PEA15: variants seen among roughly 807,000 people sequenced by gnomAD.
PEA15 encodes the protein proliferation and apoptosis adaptor protein 15.
For missense variants in PEA15, 77 were observed against 161.3 expected (o/e 0.48, Z 2.83); for synonymous variants, 60 against 61.8 (o/e 0.97, Z 0.13).
chr1:160,207,001 C>T (rs1654625938), intron 1 of PEA15: 1 of 152,476 alleles, frequency 6.6e-6, no homozygotes, highest in African/African-American at 2.4e-5. Context: ...GTCACAGAAT[C>T]ACAGAGCGCC....
At chr1:160,212,247 G>T (rs2101699866) in intron 2 of PEA15, among the ~76,000 whole-genome samples, 1 of 152,208 alleles carries the variant, frequency 6.6e-6, no homozygotes, top group African/African-American at 2.4e-5. Flanking sequence ...GCCCTGAAAG[G>T]TGAGTGGGAT....
intron 1 of PEA15, among the ~76,000 whole-genome samples, chr1:160,206,821 G>A (rs1654613181): frequency 6.6e-6 from 1 of 152,176 alleles, no homozygotes; most frequent in Admixed American, 6.5e-5. Flanking sequence ...TGGTACGTGT[G>A]TCTGGGCCCC....
Position 160,208,817 on chromosome 1 carries a change from C to T in PEA15, c.-2-2726C>T. 3.1e-6 allele frequency: 2 copies of T among 638,242 alleles called. No individual in the cohort carries two copies. The highest frequency in any genetic ancestry group is 3.7e-5 in the South Asian group (2 of 54,584). The allele number at this position is 638,242 out of a possible 1,614,324, so 39.5% of individuals were successfully genotyped here. On this transcript the variant is annotated intron_variant, in intron 1 of 3. Coordinates refer to ENST00000360472, the MANE Select transcript of PEA15 (RefSeq NM_003768.5). The surrounding 1 kb of genome is among the most constrained non-coding windows in gnomAD (Gnocchi z 4.1). ...CTTGTACCGTCAGGGGGCCTTATTC[C>T]TATCCTTTCTGTCCCTTCTTACTCA...
chr1:160,205,386 C>G lies in PEA15; in HGVS notation c.-139C>G, dbSNP rs1410559030. ...GAGCGGCGCTGGGCTCGGGCTCCGG[C>G]TCCGCGGGCGGAAGAGGCGGCGGCG... On this transcript the variant is annotated 5_prime_UTR_variant, in exon 1 of 4. Transcript: ENST00000360472. This position sits in a 1 kb window ranked among gnomAD's most constrained non-coding sequence, Gnocchi z 5.9. 1 of 186,618 alleles carries G rather than the reference C, an allele frequency of 5.4e-6. No individual in the cohort carries two copies. Among genetic ancestry groups the G allele is most frequent in the Non-Finnish European group, 1.1e-5 (1 of 94,244 alleles). The allele number at this position is 186,618 out of a possible 1,614,324, so 11.6% of individuals were successfully genotyped here.
intron 1 of PEA15, among the ~76,000 whole-genome samples, chr1:160,210,717 C>A (rs1448746480): frequency 1.3e-5 from 2 of 152,234 alleles, no homozygotes; most frequent in African/African-American, 4.8e-5. Context: ...CCCCCCACCA[C>A]CCAGCCAGCC....
intron 1 of PEA15, 194 bp from the exon 2 acceptor site, chr1:160,211,349 C>T (rs747440890): frequency 4.8e-5 from 61 of 1,274,548 alleles, no homozygotes; most frequent in Non-Finnish European, 6.0e-5. Context: ...AGCCTGGCTC[C>T]TAGCTTCCCG....
Position 160,211,692 on chromosome 1 carries a change from G to A in PEA15, c.148G>A (p.Glu50Lys). The change falls in exon 2 of 4, where the codon GAG becomes AAG. Residue 50 changes from glutamate (E) to lysine (K), a missense_variant. By Grantham distance (56) the Glu-to-Lys change is moderately conservative (BLOSUM62 1). Coordinates refer to ENST00000360472, the MANE Select transcript of PEA15 (RefSeq NM_003768.5). ...TGGCAGTGCCTGGTTTAGCTTCCTG[G>A]AGAGCCACAACAAGCTGGACAAAGG... ...TTGSAWFSFLESHNKLDKDNL... is the reference protein window; with the variant it reads ...TTGSAWFSFLKSHNKLDKDNL... The A allele has an allele frequency of 6.2e-7, 1 of 1,613,838 alleles. No homozygotes were observed. The highest frequency in any genetic ancestry group is 8.5e-7 in the Non-Finnish European group (1 of 1,179,838).
At chr1:160,210,690 C>A (rs548682151) in intron 1 of PEA15, among the ~76,000 whole-genome samples, 7 of 152,294 alleles carry the variant, frequency 4.6e-5, no homozygotes, top group Middle Eastern at 3.4e-3. Flanking sequence ...CTCCCAAAGC[C>A]GCATCTAAAG....
rs1654940197 is a variant in PEA15 at position 160,213,028 on chromosome 1, G to T, written c.173-82G>T. ...TAACCAATGTCAGCAACTCAGCTTT[G>T]GTTCCAGGTCACTAGTCTGGTGGAG... On this transcript the variant is annotated intron_variant, in intron 2 of 3. Coordinates refer to ENST00000360472, the MANE Select transcript of PEA15 (RefSeq NM_003768.5). The surrounding 1 kb of genome is among the most constrained non-coding windows in gnomAD (Gnocchi z 5.3). 47 of 1,424,360 alleles carry T rather than the reference G, an allele frequency of 3.3e-5. 1 individual carries two copies. The South Asian group carries it at 5.4e-4, about 16-fold the overall frequency. 88.2% of individuals were successfully genotyped at this position (1,424,360 alleles called of 1,614,324 possible).
chr1:160,213,681 CTTCTT>C lies in PEA15; in HGVS notation c.*196_*200del. 3.3e-6 allele frequency: 1 copy of C among 302,628 alleles called. No individual in the cohort carries two copies. Among genetic ancestry groups the C allele is most frequent in the Non-Finnish European group, 6.6e-6 (1 of 152,094 alleles). The allele number at this position is 302,628 out of a possible 1,614,324, so 18.7% of individuals were successfully genotyped here. A position where few individuals can be genotyped will look rare whatever the true frequency, so the allele number is the denominator to read the frequency against. On this transcript the variant is annotated 3_prime_UTR_variant, in exon 4 of 4. Transcript: ENST00000360472. This position sits in a 1 kb window ranked among gnomAD's most constrained non-coding sequence, Gnocchi z 5.3. ...TATATGTCTAGCTCATCTAGTTCCT[CTTCTT>C]AAGGGGATGGGGGTCAGGGGCTAGG...
intron 1 of PEA15, among the ~76,000 whole-genome samples, chr1:160,209,509 C>T (rs896756933): frequency 3.3e-5 from 5 of 150,718 alleles, no homozygotes; most frequent in African/African-American, 7.4e-5. Flanking sequence ...GAACTCCTCC[C>T]GACACACACA....
rs973985253 is a variant in PEA15, at chr1:160,205,402, GGCGGCGGCGGCGGCAGAA to G, written c.-108_-91del. On this transcript the variant is annotated 5_prime_UTR_variant, in exon 1 of 4. Transcript: ENST00000360472. This position sits in a 1 kb window ranked among gnomAD's most constrained non-coding sequence, Gnocchi z 5.9. ...GGGCTCCGGCTCCGCGGGCGGAAGA[GGCGGCGGCGGCGGCAGAA>G]GCGGCGGCGGCGGCGGCGGGAGCCG... 9.1e-5 allele frequency: 16 copies of G among 176,332 alleles called. No individual in the cohort carries two copies. The highest frequency in any genetic ancestry group is 2.2e-4 in the African/African-American group (9 of 40,708). 10.9% of individuals were successfully genotyped at this position (176,332 alleles called of 1,614,324 possible). A position where few individuals can be genotyped will look rare whatever the true frequency, so the allele number is the denominator to read the frequency against.
At chr1:160,207,553 A>C (rs532517245) in intron 1 of PEA15, among the ~76,000 whole-genome samples, 2 of 152,228 alleles carry the variant, frequency 1.3e-5, no homozygotes, top group South Asian at 4.1e-4. Flanking sequence ...CCCCATGCCC[A>C]AAGGTAATCC....
Position 160,213,709 on chromosome 1 carries a change from A to AGGGGGTTG in PEA15, c.*227_*228insGTTGGGGG. On this transcript the variant is annotated 3_prime_UTR_variant, in exon 4 of 4. Transcript: ENST00000360472. This position sits in a 1 kb window ranked among gnomAD's most constrained non-coding sequence, Gnocchi z 5.3. ...CTTAAGGGGATGGGGGTCAGGGGCT[A>AGGGGGTTG]GGGGAGGGGGCTGAGTTTCCCCACT... 4.5e-6 allele frequency: 1 copy of AGGGGGTTG among 222,764 alleles called. No individual in the cohort carries two copies. Among genetic ancestry groups the AGGGGGTTG allele is most frequent in the Non-Finnish European group, 8.8e-6 (1 of 114,136 alleles). The allele number at this position is 222,764 out of a possible 1,614,324, so 13.8% of individuals were successfully genotyped here.
At chr1:160,209,705 G>A (rs1654785716) in intron 1 of PEA15, among the ~76,000 whole-genome samples, 2 of 152,090 alleles carry the variant, frequency 1.3e-5, no homozygotes, top group Non-Finnish European at 2.9e-5. Context: ...CTCCTGCTGC[G>A]CTTTCCCTTC....
intron 2 of PEA15, among the ~76,000 whole-genome samples, chr1:160,212,398 A>AGAC (rs1654912124): frequency 6.6e-6 from 1 of 152,206 alleles, no homozygotes; most frequent in African/African-American, 2.4e-5. Context: ...AGGTAAGGTA[A>AGAC]GACTGTGTTG....
chr1:160,207,916 T>C (rs1421079351), intron 1 of PEA15, among the ~76,000 whole-genome samples: 2 of 152,074 alleles, frequency 1.3e-5, no homozygotes, highest in Non-Finnish European at 2.9e-5. Context: ...TCCTGCCCAA[T>C]ACAGGGACCT....
chr1:160,211,805 C>T, intron 2 of PEA15, 89 bp downstream of exon 2: 1 of 1,284,506 alleles, frequency 7.8e-7, no homozygotes, highest in Non-Finnish European at 1.1e-6. Context: ...CTTTTACATC[C>T]ACAATGTGTA....
chr1:160,208,089 A>C lies in PEA15; in HGVS notation c.-3+2567A>C, dbSNP rs1045096275. ...TAGAAGGGATAATCTACCACGACTT[A>C]ATGTCAAAATGCACAGAAATTCTTT... On this transcript the variant is annotated intron_variant, in intron 1 of 3. Transcript: ENST00000360472. The surrounding 1 kb of genome is among the most constrained non-coding windows in gnomAD (Gnocchi z 4.1). Among the ~76,000 whole-genome samples the C allele has an allele frequency of 2.6e-5, 4 of 152,232 alleles. No homozygotes were observed. Among genetic ancestry groups the C allele is most frequent in the Non-Finnish European group, 5.9e-5 (4 of 68,030 alleles).
Sources: allele counts gnomAD v4.1 joint callset (sites outside exome capture counted in the v4.1 genomes callset), GRCh38; gene constraint gnomAD v4.1.1; non-coding constraint Gnocchi (gnomAD v3.1); transcripts MANE v1.5; gene names NCBI Gene and HGNC (gene_info 2026-07-23, HGNC 2026-07-21).